Variants in RPAP3 observed in about 807,000 individuals in gnomAD.
The protein encoded by RPAP3 is RNA polymerase II associated protein 3.
Under a neutral mutation model 88.8 loss-of-function variants are expected in RPAP3, and 58 were observed. The ratio of observed to expected loss-of-function variants is 0.65; its 90% CI spans 0.53 to 0.81. RPAP3 has a LOEUF of 0.81. Among genes scored for constraint, RPAP3 ranks in the 40% least tolerant of loss-of-function variants. The pLI, the probability that RPAP3 is intolerant of heterozygous loss-of-function variation, is 0.00. For missense variants in RPAP3, 751 were observed against 764.3 expected, an observed-to-expected ratio of 0.98 and a Z score of 0.20; for synonymous variants, 255 against 259.9, an observed-to-expected ratio of 0.98 and a Z score of 0.18.
At position 47,665,866 on chromosome 12, in the gene RPAP3, G is replaced by A. The variant is rs572516519; in HGVS notation, c.1912+1114C>T. ...CATGTTGGCCAGCCTGGTCTCAAGCGATCCTCCTGCCTTAACCTCCCAAAG... is the reference window on the plus strand; with the variant it reads ...CATGTTGGCCAGCCTGGTCTCAAGCAATCCTCCTGCCTTAACCTCCCAAAG... On this transcript the variant is annotated intron_variant, in intron 16 of 16. Coordinates refer to ENST00000005386, the MANE Select transcript of RPAP3 (RefSeq NM_024604.3). Among the ~76,000 whole-genome samples the A allele has an allele frequency of 3.9e-5, 6 of 152,000 alleles. No homozygotes were observed. In the South Asian group the frequency reaches 6.2e-4, roughly 16 times the overall value.
intron 10 of RPAP3, 58 bp downstream of exon 10, chr12:47,681,638 C>A: frequency 6.4e-7 from 1 of 1,560,908 alleles, no homozygotes; most frequent in South Asian, 1.2e-5. Context: ...TGAATCTCTG[C>A]TTCTTTAACT....
chr12:47,681,027 T>A (rs746933491), intron 10 of RPAP3, among the ~76,000 whole-genome samples: 1 of 151,172 alleles, frequency 6.6e-6, no homozygotes, highest in Non-Finnish European at 1.5e-5. Flanking sequence ...CAAGTGGAGT[T>A]TGCACAAAAA....
chr12:47,683,287 G>A (rs1939260891), intron 9 of RPAP3, among the ~76,000 whole-genome samples: 1 of 152,072 alleles, frequency 6.6e-6, no homozygotes, highest in Non-Finnish European at 1.5e-5. Flanking sequence ...CTCCTTTTCT[G>A]TCACTCCCTG....
At chr12:47,682,157 A>G (rs547650950) in intron 9 of RPAP3, among the ~76,000 whole-genome samples, 21 of 152,304 alleles carry the variant, frequency 1.4e-4, no homozygotes, top group African/African-American at 4.3e-4. Flanking sequence ...ATTACATTAG[A>G]ATTTTGACTG....
At position 47,681,814 on chromosome 12, in the gene RPAP3, A is replaced by G. The variant is rs36123489; in HGVS notation, c.996T>C (p.Tyr332=). 13,770 of 1,600,378 alleles carry G rather than the reference A, an allele frequency of 8.6e-3. 886 individuals carry two copies. The African/African-American group carries it at 0.15, about 17-fold the overall frequency. Residue 332 remains tyrosine (Y), a synonymous_variant, in exon 10 of 17, where the codon TAT becomes TAC. Coordinates refer to ENST00000005386, the MANE Select transcript of RPAP3 (RefSeq NM_024604.3). The stretch of plus-strand genomic sequence containing the variant: ...GTGTGCAGTCTTTTTCAGCTTCTTC[A>G]TATCTATTGAACATGATAAAATTAC... The part of the protein sequence containing the change: ...RAMAYLKIQK[Y]EEAEKDCTQA...
chr12:47,663,886 T>C (rs1938811488), intron 16 of RPAP3, among the ~76,000 whole-genome samples: 2 of 152,216 alleles, frequency 1.3e-5, no homozygotes, highest in Non-Finnish European at 2.9e-5. Context: ...ACCTTAAAAA[T>C]GTTTACCCTA....
At chr12:47,670,832 A>G (rs542665817) in intron 12 of RPAP3, among the ~76,000 whole-genome samples, 2 of 152,136 alleles carry the variant, frequency 1.3e-5, no homozygotes, top group Non-Finnish European at 2.9e-5. Flanking sequence ...AGGAGTCTGG[A>G]CTCTATTCTA....
In RPAP3 at chr12:47,662,243, A is replaced by T. The variant is rs888105840; in HGVS notation, c.*1262T>A. ...GATATAAACATTCAGATCATAGCAG[A>T]TAAAAAGCTAAATTCAATTGCCTGT... is the stretch of plus-strand genomic sequence containing the variant. On this transcript the variant is annotated 3_prime_UTR_variant, in exon 17 of 17. Coordinates refer to ENST00000005386, the MANE Select transcript of RPAP3 (RefSeq NM_024604.3). 6.6e-6 allele frequency: 1 copy of T among 152,224 alleles called. No homozygotes were observed. Among genetic ancestry groups the T allele is most frequent in the Non-Finnish European group, 1.5e-5 (1 of 68,034 alleles). 9.4% of individuals were successfully genotyped at this position (152,224 alleles called of 1,614,324 possible).
chr12:47,697,592 A>G lies in RPAP3; in HGVS notation c.417+5T>C, dbSNP rs749154118. ...GAAAAAAAACAAAACCTAACTAATT[A>G]GTACCTTTTCTTTTAAAACAAGAGC... is the stretch of plus-strand genomic sequence containing the variant. On this transcript the variant is annotated splice_donor_5th_base_variant and intron_variant, in intron 4 of 16. Transcript: ENST00000005386. 3.8e-6 allele frequency: 6 copies of G among 1,591,848 alleles called. No homozygotes were observed. The highest frequency in any genetic ancestry group is 5.1e-6 in the Non-Finnish European group (6 of 1,173,770).
chr12:47,669,052 A>G lies in RPAP3; in HGVS notation c.1577T>C (p.Met526Thr). ...QDVCQSYSEKMPIEIEQKPAQ... is the reference protein window; with the variant it reads ...QDVCQSYSEKTPIEIEQKPAQ... ...AGGTTTTTGTTCTATCTCTATGGGC[A>G]TTTTCTCGCTGTAAGACTGACATAC... Residue 526 changes from methionine to threonine, a missense_variant, in exon 14 of 17, where the codon ATG (methionine) becomes ACG (threonine). By Grantham distance (81) the Met-to-Thr change is moderately conservative. Transcript: ENST00000005386. 6.2e-7 allele frequency: 1 copy of G among 1,613,994 alleles called. No individual in the cohort carries two copies. Among genetic ancestry groups the G allele is most frequent in the South Asian group, 1.1e-5 (1 of 91,078 alleles).
At chr12:47,705,692 G>A (rs1939778448) in intron 1 of RPAP3, among the ~76,000 whole-genome samples, 2 of 151,196 alleles carry the variant, frequency 1.3e-5, no homozygotes, top group African/African-American at 2.4e-5. Context: ...CCCGAGCACT[G>A]CAAAATCGCA....
At chr12:47,702,308 G>A (rs1225742014) in intron 2 of RPAP3, among the ~76,000 whole-genome samples, 1 of 152,152 alleles carries the variant, frequency 6.6e-6, no homozygotes, top group Admixed American at 6.5e-5. Context: ...CACTTCGGGA[G>A]GCCGAGGTGG....
rs528356174 is a variant in RPAP3 at position 47,693,606 on chromosome 12, G to A, written c.545+2670C>T. On this transcript the variant is annotated intron_variant, in intron 5 of 16. Coordinates refer to ENST00000005386, the MANE Select transcript of RPAP3 (RefSeq NM_024604.3). ...AGGTATGCCTATAATTCCTAATGGT[G>A]AAACATTAGTAGCATTCCCTTTAAT... 9.2e-5 allele frequency among the ~76,000 whole-genome samples: 14 copies of A among 152,318 alleles called. No individual in the cohort carries two copies. In the South Asian group the frequency reaches 2.5e-3, roughly 27 times the overall value.
At chr12:47,678,953 T>C (rs956720071) in intron 12 of RPAP3, among the ~76,000 whole-genome samples, 11 of 152,196 alleles carry the variant, frequency 7.2e-5, no homozygotes, top group African/African-American at 2.7e-4. Flanking sequence ...TGCACACGTA[T>C]GTTTACTGAG....
At chr12:47,675,391 A>C (rs1592471854) in intron 12 of RPAP3, among the ~76,000 whole-genome samples, 1 of 152,346 alleles carries the variant, frequency 6.6e-6, no homozygotes, top group East Asian at 1.9e-4. Flanking sequence ...AAATTCACAC[A>C]TAACAATATT....
At chr12:47,695,673 A>G (rs1437402063) in intron 5 of RPAP3, among the ~76,000 whole-genome samples, 1 of 152,176 alleles carries the variant, frequency 6.6e-6, no homozygotes, top group Non-Finnish European at 1.5e-5. Context: ...ATGAGTTTCA[A>G]AGACATAAAA....
intron 10 of RPAP3, 132 bp downstream of exon 10, chr12:47,681,564 C>T: frequency 1.1e-6 from 1 of 916,138 alleles, no homozygotes; most frequent in South Asian, 1.8e-5. Context: ...TATTCGTGAT[C>T]TAAACTGTGG....
At position 47,701,510 on chromosome 12, in the gene RPAP3, T is replaced by C. The variant is rs1939652447; in HGVS notation, c.248A>G (p.Asn83Ser). Residue 83 changes from asparagine to serine, a missense_variant, in exon 3 of 17, where the codon AAC becomes AGC. Asn to Ser is a conservative substitution (Grantham distance 46, BLOSUM62 1). Coordinates refer to ENST00000005386, the MANE Select transcript of RPAP3 (RefSeq NM_024604.3). ...SKKTREENTKNRIKSYDYEAW... is the reference protein window; with the variant it reads ...SKKTREENTKSRIKSYDYEAW... ...CTCATAATCATAAGATTTTATCCTG[T>C]TTTTTGTGTTTTCCTCTCTGGTTTT... is the stretch of plus-strand genomic sequence containing the variant. 2 of 1,605,406 alleles carry C rather than the reference T, an allele frequency of 1.2e-6. No homozygotes were observed. Among genetic ancestry groups the C allele is most frequent in the Middle Eastern group, 1.7e-4 (1 of 6,040 alleles).
At chr12:47,696,254 A>T in intron 5 of RPAP3, 22 bp downstream of exon 5, 1 of 1,500,528 alleles carries the variant, frequency 6.7e-7, no homozygotes, top group South Asian at 1.4e-5. Context: ...TCACATTCAC[A>T]CACGTCACAG....
Sources: gnomAD v4.1 joint callset for allele counts (sites outside exome capture counted in the v4.1 genomes callset) on GRCh38, gnomAD v4.1.1 for gene constraint, MANE v1.5 for transcripts, NCBI Gene and HGNC (gene_info 2026-07-23, HGNC 2026-07-21) for gene names.